The following CCDC83 variants were observed in gnomAD, a reference collection of about 807,000 sequenced individuals.
CCDC83 encodes the protein coiled-coil domain-containing protein 83.
A neutral mutation model predicts 50.1 loss-of-function variants in CCDC83; 54 were observed. The ratio of observed to expected loss-of-function variants is 1.08; its 90% CI spans 0.87 to 1.35. The LOEUF (loss-of-function observed/expected upper bound fraction) is 1.35. Ranked by LOEUF, CCDC83 falls within the 40% of genes most tolerant of loss-of-function variation. The probability of loss-of-function intolerance (pLI) is 0.00; values close to 1 mark genes in which losing one functional copy is unlikely to be tolerated. For missense variants in CCDC83, 518 were observed against 473.9 expected (o/e 1.09, Z -0.86); for synonymous variants, 161 against 153.3 (o/e 1.05, Z -0.37).
intron 8 of CCDC83, among the ~76,000 whole-genome samples, chr11:85,914,150 T>C (rs1438283108): frequency 6.6e-6 from 1 of 152,228 alleles, no homozygotes; most frequent in Non-Finnish European, 1.5e-5. Context: ...GGTGTAAATA[T>C]TGTATGTAGT....
In CCDC83 at chr11:85,876,818, T is replaced by G. The variant is rs146250009; in HGVS notation, c.180+3523T>G. On this transcript the variant is annotated intron_variant, in intron 3 of 10. Transcript: ENST00000342404. ...CCACACCCAGCCTCTTTTCTTGTTC[T>G]TATGAGTCTTAAAAAGTTAAAAGGG... Among the ~76,000 whole-genome samples the G allele has an allele frequency of 3.1e-4, 47 of 152,346 alleles. No individual in the cohort carries two copies. In the East Asian group the frequency reaches 9.1e-3, roughly 29 times the overall value.
At chr11:85,895,268 T>C (rs774044767) in intron 5 of CCDC83, 25 bp from the exon 6 acceptor site, 11 of 550,898 alleles carry the variant, frequency 2.0e-5, no homozygotes, top group Non-Finnish European at 2.7e-5. Flanking sequence ...AATTTTCTTT[T>C]TTTTTTTTTT....
At chr11:85,856,581 T>G (rs975884125) in intron 1 of CCDC83, among the ~76,000 whole-genome samples, 1 of 152,124 alleles carries the variant, frequency 6.6e-6, no homozygotes, top group African/African-American at 2.4e-5. Flanking sequence ...AAGCTAAGAC[T>G]CCAATATCTT....
chr11:85,872,181 G>A (rs1381801439), intron 2 of CCDC83, among the ~76,000 whole-genome samples: 3 of 152,046 alleles, frequency 2.0e-5, no homozygotes, highest in Admixed American at 6.5e-5. Flanking sequence ...TGGAACTCCT[G>A]TCCTCAAGAG....
At chr11:85,868,451 T>G (rs2153682836) in intron 2 of CCDC83, among the ~76,000 whole-genome samples, 1 of 152,322 alleles carries the variant, frequency 6.6e-6, no homozygotes, top group African/African-American at 2.4e-5. Flanking sequence ...CTCGGCTCAC[T>G]ACAACCCCCG....
At chr11:85,908,962 C>G (rs1257989244) in intron 7 of CCDC83, among the ~76,000 whole-genome samples, 6 of 151,950 alleles carry the variant, frequency 3.9e-5, no homozygotes, top group African/African-American at 1.5e-4. Context: ...GAGACAGGGT[C>G]TCGCTCTGTC....
At chr11:85,911,175 T>TAAAAAAA (rs368467157) in intron 7 of CCDC83, 106 bp from the exon 8 acceptor site, 2 of 661,722 alleles carry the variant, frequency 3.0e-6, no homozygotes, top group African/African-American at 3.3e-5. Flanking sequence ...CCGTCTCAAA[T>TAAAAAAA]AAAAAAAAAA....
At chr11:85,879,065 C>A (rs574721564) in intron 3 of CCDC83, among the ~76,000 whole-genome samples, 1 of 152,078 alleles carries the variant, frequency 6.6e-6, no homozygotes, top group South Asian at 2.1e-4. Flanking sequence ...CAAATATTTT[C>A]TCCTAGTCTG....
intron 1 of CCDC83, among the ~76,000 whole-genome samples, chr11:85,863,578 C>T (rs1037976981): frequency 4.6e-5 from 7 of 152,216 alleles, no homozygotes; most frequent in African/African-American, 1.7e-4. Flanking sequence ...AGAAAAGTCA[C>T]AGACATAAAG....
At position 85,919,376 on chromosome 11, in the gene CCDC83, G is replaced by A. The variant is rs2093497889; in HGVS notation, c.1108G>A (p.Val370Met). The A allele has an allele frequency of 6.2e-7, 1 of 1,609,540 alleles. No homozygotes were observed. The highest frequency in any genetic ancestry group is 1.7e-4 in the Middle Eastern group (1 of 6,048). Residue 370 changes from valine (V) to methionine (M), a missense_variant, in exon 11 of 11, where the codon GTG (valine) becomes ATG (methionine). Val to Met is a conservative substitution (Grantham distance 21). Coordinates refer to ENST00000342404, the MANE Select transcript of CCDC83 (RefSeq NM_001286159.2). The stretch of plus-strand genomic sequence containing the variant: ...TTATGTAAACTTGGGCCCCCTGGGA[G>A]TGAAGCTTATGAGTGTGGAGAGCAA... ...KDYVNLGPLG[V>M]KLMSVESKKM...
chr11:85,905,334 C>G (rs1445737677), intron 7 of CCDC83, among the ~76,000 whole-genome samples: 2 of 149,834 alleles, frequency 1.3e-5, no homozygotes, highest in South Asian at 4.2e-4. Context: ...CCCAGCTACT[C>G]GGGAGGCTGA....
chr11:85,888,517 T>A (rs1451432087), intron 5 of CCDC83, among the ~76,000 whole-genome samples: 1 of 152,234 alleles, frequency 6.6e-6, no homozygotes, highest in Non-Finnish European at 1.5e-5. Context: ...TTTAAAAAAA[T>A]TAGCTCTTTA....
intron 2 of CCDC83, among the ~76,000 whole-genome samples, chr11:85,868,919 T>C (rs1272931312): frequency 6.6e-6 from 1 of 152,262 alleles, no homozygotes; most frequent in Non-Finnish European, 1.5e-5. Flanking sequence ...GTGAGCTCCT[T>C]GAAGACTATT....
At chr11:85,900,989 CG>C (rs2093398709) in intron 7 of CCDC83, among the ~76,000 whole-genome samples, 1 of 151,496 alleles carries the variant, frequency 6.6e-6, no homozygotes, top group African/African-American at 2.4e-5. Context: ...CGCTTGAGCC[CG>C]GGAGGCAGAG....
At chr11:85,882,786 C>T (rs898239517) in intron 4 of CCDC83, 111 bp downstream of exon 4, 23 of 1,002,120 alleles carry the variant, frequency 2.3e-5, no homozygotes, top group African/African-American at 1.5e-4. Context: ...GTATTTTAAA[C>T]GGCATCATTA....
intron 1 of CCDC83, among the ~76,000 whole-genome samples, chr11:85,861,167 G>A (rs2093174100): frequency 6.6e-6 from 1 of 152,226 alleles, no homozygotes; most frequent in South Asian, 2.1e-4. Context: ...GGCATTAAAG[G>A]AATTGTATTT....
intron 7 of CCDC83, among the ~76,000 whole-genome samples, chr11:85,900,784 G>T (rs1440780369): frequency 2.0e-5 from 3 of 152,178 alleles, no homozygotes; most frequent in African/African-American, 7.2e-5. Context: ...AAATAATCTG[G>T]CCAGGCATAG....
intron 10 of CCDC83, among the ~76,000 whole-genome samples, chr11:85,917,166 G>GAGAGAGAAAGAAAGAAAGAAAGAAAGAA (rs756949334): frequency 1.6e-5 from 1 of 62,414 alleles, no homozygotes; most frequent in Non-Finnish European, 3.4e-5. Flanking sequence ...GAGAGAGAGA[G>GAGAGAGAAAGAAAGAAAGAAAGAAAGAA]AGAAAGAAAG....
intron 5 of CCDC83, among the ~76,000 whole-genome samples, chr11:85,891,913 G>A (rs1368112005): frequency 6.6e-6 from 1 of 152,176 alleles, no homozygotes; most frequent in Non-Finnish European, 1.5e-5. Context: ...AAATCCATCT[G>A]CTTCAAATAG....
Sources: allele counts gnomAD v4.1 joint callset (sites outside exome capture counted in the v4.1 genomes callset), GRCh38; gene constraint gnomAD v4.1.1; transcripts MANE v1.5; gene names NCBI Gene and HGNC (gene_info 2026-07-23, HGNC 2026-07-21).